STXBP5L: variants seen among roughly 807,000 people sequenced by gnomAD.
The protein encoded by STXBP5L is syntaxin-binding protein 5-like.
In STXBP5L, 65 loss-of-function variants were observed where a neutral mutation model predicts 144.5. The ratio of observed to expected loss-of-function variants is 0.45; its 90% confidence interval spans 0.37 to 0.55. STXBP5L has a LOEUF of 0.55. STXBP5L is among the 20% of genes least tolerant of loss of function. The probability of loss-of-function intolerance (pLI) is 0.00; values close to 1 mark genes in which losing one functional copy is unlikely to be tolerated. For missense variants in STXBP5L, 1,298 were observed against 1,405.5 expected, an observed-to-expected ratio of 0.92 and a Z score of 1.22; for synonymous variants, 505 against 469.6, an observed-to-expected ratio of 1.08 and a Z score of -0.97.
intron 22 of STXBP5L, among the ~76,000 whole-genome samples, chr3:121,395,157 G>C (rs79457625): frequency 0.019 from 2,851 of 152,234 alleles, 40 homozygotes; most frequent in Middle Eastern, 0.037. Context: ...TGTGTGACTG[G>C]CAAACATTGA....
At chr3:121,197,899 T>C (rs2047982419) in intron 9 of STXBP5L, among the ~76,000 whole-genome samples, 1 of 152,256 alleles carries the variant, frequency 6.6e-6, no homozygotes, top group Non-Finnish European at 1.5e-5. Context: ...CTATCACTGA[T>C]GGACATTTGG....
At chr3:121,392,768 G>T (rs1420471899) in intron 22 of STXBP5L, among the ~76,000 whole-genome samples, 1 of 61,432 alleles carries the variant, frequency 1.6e-5, no homozygotes, top group African/African-American at 6.1e-5. Context: ...AGTATTTCAT[G>T]GCATATATAT....
In STXBP5L at chr3:121,257,169, G is replaced by C. The variant is rs192013385; in HGVS notation, c.1668G>C (p.Glu556Asp). The C allele has an allele frequency of 6.2e-7, 1 of 1,602,684 alleles. No individual in the cohort carries two copies. The highest frequency in any genetic ancestry group is 1.7e-5 in the Admixed American group (1 of 59,356). ...AACTTGATTTTTTTAAGTCATTAGA[G>C]GTACGACTTCAGTATGATGTTGAAG... is the stretch of plus-strand genomic sequence containing the variant. ...HEITTEIVSL[E>D]VRLQYDVEDI... is the part of the protein sequence containing the mutation. The change falls in exon 17 of 27, where the codon GAG becomes GAC. Residue 556 changes from glutamate to aspartate, a missense_variant. Physicochemically the swap from Glu to Asp is conservative, Grantham distance 45. Transcript: ENST00000471454.
At chr3:121,114,363 A>G (rs2044140038) in intron 5 of STXBP5L, among the ~76,000 whole-genome samples, 1 of 152,152 alleles carries the variant, frequency 6.6e-6, no homozygotes, top group Non-Finnish European at 1.5e-5. Context: ...TAAATAATTT[A>G]TCATCTCATG....
At chr3:121,176,641 A>G (rs900353691) in intron 9 of STXBP5L, among the ~76,000 whole-genome samples, 4 of 151,918 alleles carry the variant, frequency 2.6e-5, no homozygotes, top group African/African-American at 9.7e-5. Flanking sequence ...AATATGAAAT[A>G]AAAATCAACT....
chr3:121,253,254 C>CAA (rs1211737241), intron 15 of STXBP5L, among the ~76,000 whole-genome samples: 1 of 133,550 alleles, frequency 7.5e-6, no homozygotes. Context: ...AAAAACATTG[C>CAA]AAAAAAAAAA....
At chr3:121,102,077 G>T (rs777747789) in intron 5 of STXBP5L, among the ~76,000 whole-genome samples, 14 of 151,920 alleles carry the variant, frequency 9.2e-5, no homozygotes, top group Non-Finnish European at 1.9e-4. Context: ...ACAAAAAAAT[G>T]GAAAAATATT....
chr3:121,061,577 C>A (rs1250397543), intron 5 of STXBP5L, among the ~76,000 whole-genome samples: 1 of 152,146 alleles, frequency 6.6e-6, no homozygotes, highest in African/African-American at 2.4e-5. Flanking sequence ...GTGTTAAAGT[C>A]TCTCACTATT....
intron 19 of STXBP5L, among the ~76,000 whole-genome samples, chr3:121,310,900 C>T (rs1305167533): frequency 6.6e-6 from 1 of 151,750 alleles, no homozygotes; most frequent in Non-Finnish European, 1.5e-5. Flanking sequence ...CAGAGCAAGA[C>T]TCTGTCTCAA....
At chr3:121,403,899 C>T (rs2046939719) in intron 22 of STXBP5L, among the ~76,000 whole-genome samples, 2 of 152,142 alleles carry the variant, frequency 1.3e-5, no homozygotes, top group Admixed American at 1.3e-4. Context: ...CTTGTTCCTC[C>T]TCCATTTCAG....
chr3:121,167,822 C>A (rs1445236429), intron 9 of STXBP5L, among the ~76,000 whole-genome samples: 1 of 152,192 alleles, frequency 6.6e-6, no homozygotes, highest in Non-Finnish European at 1.5e-5. Flanking sequence ...GCACAGCGTT[C>A]GAGCTCTGCT....
Position 120,981,340 on chromosome 3 carries a change from C to T in STXBP5L, c.287+26303C>T, listed in dbSNP as rs1431220398. 4.6e-5 allele frequency among the ~76,000 whole-genome samples: 7 copies of T among 152,190 alleles called. No homozygotes were observed. In the East Asian group the frequency reaches 9.7e-4, roughly 21 times the overall value. ...CTTCTGAAACAATGATAACTCATAGCTTAGTAAGTTTAAATAATCCCATGT... is the reference window on the plus strand; with the variant it reads ...CTTCTGAAACAATGATAACTCATAGTTTAGTAAGTTTAAATAATCCCATGT... On this transcript the variant is annotated intron_variant, in intron 3 of 26. Transcript: ENST00000471454.
At chr3:121,259,307 T>A in intron 18 of STXBP5L, 139 bp downstream of exon 18, 1 of 617,776 alleles carries the variant, frequency 1.6e-6, no homozygotes, top group Non-Finnish European at 2.3e-6. Flanking sequence ...ATAAGAAAAA[T>A]AATTTAAATT....
chr3:121,404,376 G>A (rs11914436), intron 22 of STXBP5L, among the ~76,000 whole-genome samples: 16,919 of 151,892 alleles, frequency 0.11, 1,484 homozygotes, highest in African/African-American at 0.24. Context: ...CATTTTTCAC[G>A]CACACTAATA....
intron 3 of STXBP5L, among the ~76,000 whole-genome samples, chr3:120,966,073 C>T (rs761179622): frequency 5.9e-5 from 9 of 152,140 alleles, no homozygotes; most frequent in Non-Finnish European, 1.0e-4. Flanking sequence ...ATCGAATCAG[C>T]TTTTGAAGCT....
rs563416395 is a variant in STXBP5L, at chr3:120,997,663, A to G, written c.287+42626A>G. On this transcript the variant is annotated intron_variant, in intron 3 of 26. Transcript: ENST00000471454. ...TTTTAATTTGTTTTTAAGCTTTTGT[A>G]GTCTGGATATTAGACCTTTGTCAGA... Among the ~76,000 whole-genome samples the G allele has an allele frequency of 2.0e-5, 3 of 152,002 alleles. No individual in the cohort carries two copies. In the South Asian group the frequency reaches 6.2e-4, roughly 32 times the overall value.
At chr3:120,954,871 A>G (rs1378337388) in intron 2 of STXBP5L, 69 bp from the exon 3 acceptor site, 2 of 1,284,034 alleles carry the variant, frequency 1.6e-6, no homozygotes, top group Non-Finnish European at 2.2e-6. Context: ...TGGTGGCTAT[A>G]TAATGGTATC....
intron 6 of STXBP5L, 85 bp downstream of exon 6, chr3:121,115,144 T>A (rs1346080425): frequency 7.9e-7 from 1 of 1,258,304 alleles, no homozygotes; most frequent in African/African-American, 1.6e-5. Context: ...AGTTATTTGA[T>A]ACGTCTATTA....
Position 121,313,429 on chromosome 3 carries a change from C to T in STXBP5L, c.2111-5046C>T, listed in dbSNP as rs1418434614. ...CTCCCTCCCGGACTGGGCGGCTGGC[C>T]GGGCGGGGGGCTGACCCCCCCACCT... On this transcript the variant is annotated intron_variant, in intron 19 of 26. Transcript: ENST00000471454. Among the ~76,000 whole-genome samples the T allele has an allele frequency of 2.5e-3, 269 of 106,070 alleles. 8 individuals carry two copies. The highest frequency in any genetic ancestry group is 3.8e-3 in the Non-Finnish European group (200 of 52,398). The allele number at this position is 106,070 out of a possible 152,430, so 69.6% of individuals were successfully genotyped here.
Sources: allele counts gnomAD v4.1 joint callset (sites outside exome capture counted in the v4.1 genomes callset), GRCh38; gene constraint gnomAD v4.1.1; transcripts MANE v1.5; gene names NCBI Gene and HGNC (gene_info 2026-07-23, HGNC 2026-07-21).